Variants in PTPRC observed in about 807,000 individuals in gnomAD.
PTPRC encodes the protein receptor-type tyrosine-protein phosphatase C.
Under a neutral mutation model 155.9 loss-of-function variants are expected in PTPRC, and 44 were observed. The ratio of observed to expected loss-of-function variants is 0.28; its 90% CI spans 0.22 to 0.36. The LOEUF is 0.36. Among genes scored for constraint, PTPRC ranks in the 10% least tolerant of loss-of-function variants. The pLI is 1.00. For synonymous variants in PTPRC, 525 were observed against 533.1 expected (o/e 0.98, Z 0.21); for missense variants, 1,401 against 1,564.6 (o/e 0.90, Z 1.76).
At chr1:198,745,700 A>T (rs1046951218) in intron 26 of PTPRC, among the ~76,000 whole-genome samples, 4 of 151,818 alleles carry the variant, frequency 2.6e-5, no homozygotes, top group Admixed American at 6.6e-5. Flanking sequence ...GAGGCTGTGT[A>T]TGCAGATAGT....
chr1:198,741,027 C>T (rs1356224294), intron 23 of PTPRC, among the ~76,000 whole-genome samples: 1 of 151,834 alleles, frequency 6.6e-6, no homozygotes, highest in Non-Finnish European at 1.5e-5. Flanking sequence ...TGCTGTGAAA[C>T]AATCCTATCA....
chr1:198,702,216 C>A (rs1666493008), intron 5 of PTPRC, among the ~76,000 whole-genome samples, 171 bp from the exon 6 acceptor site: 1 of 152,080 alleles, frequency 6.6e-6, no homozygotes, highest in African/African-American at 2.4e-5. Flanking sequence ...TCCCATAAGC[C>A]CTGGTATTTT....
intron 10 of PTPRC, 112 bp from the exon 11 acceptor site, chr1:198,709,575 T>A: frequency 5.4e-6 from 5 of 934,050 alleles, no homozygotes; most frequent in Non-Finnish European, 7.3e-6. Context: ...TTTCCACAGA[T>A]GTTTCAATCT....
chr1:198,748,126 G>C lies in PTPRC; in HGVS notation c.2865G>C (p.Arg955Ser). ...EAEFQRLPSYRSWRTQHIGNQ... is the reference protein window; with the variant it reads ...EAEFQRLPSYSSWRTQHIGNQ... Reference sequence around the variant, plus strand: ...TTTTTCAGAGACTTCCTTCATATAGGAGCTGGAGGACACAGCACATTGGAA... The same window carrying C: ...TTTTTCAGAGACTTCCTTCATATAGCAGCTGGAGGACACAGCACATTGGAA... The change falls in exon 27 of 33, where the codon AGG (arginine) becomes AGC (serine). Residue 955 changes from arginine (R) to serine (S), a missense_variant. Coordinates refer to ENST00000442510, the MANE Select transcript of PTPRC (RefSeq NM_002838.5). 1 of 1,601,266 alleles carries C rather than the reference G, an allele frequency of 6.2e-7. No homozygotes were observed. Among genetic ancestry groups the C allele is most frequent in the South Asian group, 1.1e-5 (1 of 89,784 alleles).
intron 12 of PTPRC, among the ~76,000 whole-genome samples, chr1:198,715,750 T>C (rs1225451758): frequency 2.6e-5 from 4 of 152,178 alleles, no homozygotes; most frequent in Non-Finnish European, 5.9e-5. Context: ...GATGGTTAAA[T>C]TAATTATTTC....
chr1:198,754,384 C>T lies in PTPRC; in HGVS notation c.3625C>T (p.Pro1209Ser), dbSNP rs1655528018. The change falls in exon 32 of 33, where the codon CCA becomes TCA. Residue 1209 changes from proline to serine, a missense_variant. Pro to Ser is a moderately conservative substitution (Grantham distance 74). Coordinates refer to ENST00000442510, the MANE Select transcript of PTPRC (RefSeq NM_002838.5). ...QVVKALRKAR[P>S]GMVSTFEQYQ... Reference sequence around the variant, plus strand: ...GGTAAAAGCTCTACGCAAAGCTAGGCCAGGCATGGTTTCCACATTCGTAAG... The same window carrying T: ...GGTAAAAGCTCTACGCAAAGCTAGGTCAGGCATGGTTTCCACATTCGTAAG... 4 of 1,613,324 alleles carry T rather than the reference C, an allele frequency of 2.5e-6. No homozygotes were observed. The highest frequency in any genetic ancestry group is 2.2e-5 in the East Asian group (1 of 44,806).
chr1:198,740,247 C>T (rs1166103647), intron 23 of PTPRC, among the ~76,000 whole-genome samples: 1 of 151,502 alleles, frequency 6.6e-6, no homozygotes, highest in African/African-American at 2.4e-5. Context: ...TAAAAAAATA[C>T]AAAGCATCAA....
chr1:198,750,406 T>C, intron 28 of PTPRC, 86 bp from the exon 29 acceptor site: 1 of 1,401,420 alleles, frequency 7.1e-7, no homozygotes, highest in Non-Finnish European at 1.0e-6. Context: ...GATATCAAAC[T>C]GACTATATTT....
chr1:198,745,217 T>C (rs1359378986), intron 26 of PTPRC, among the ~76,000 whole-genome samples: 1 of 151,834 alleles, frequency 6.6e-6, no homozygotes, highest in Non-Finnish European at 1.5e-5. Flanking sequence ...CTTGAGTTTC[T>C]GCTATGTGCC....
intron 11 of PTPRC, 45 bp downstream of exon 11, chr1:198,709,869 C>A: frequency 6.3e-7 from 1 of 1,596,198 alleles, no homozygotes; most frequent in South Asian, 1.1e-5. Flanking sequence ...CTTCTCTCTT[C>A]ATGTTCTTAT....
intron 15 of PTPRC, among the ~76,000 whole-genome samples, chr1:198,726,323 C>T (rs1166866656): frequency 6.6e-6 from 1 of 152,086 alleles, no homozygotes; most frequent in African/African-American, 2.4e-5. Context: ...AGAGATAAGA[C>T]AAGGAACACT....
At chr1:198,723,674 T>A (rs191237928) in intron 15 of PTPRC, among the ~76,000 whole-genome samples, 120 of 152,302 alleles carry the variant, frequency 7.9e-4, no homozygotes, top group African/African-American at 2.8e-3. Context: ...ATAGGCCAGA[T>A]CTGAAACATT....
At chr1:198,696,146 G>A (rs1011638982) in intron 3 of PTPRC, among the ~76,000 whole-genome samples, 1 of 150,476 alleles carries the variant, frequency 6.6e-6, no homozygotes, top group Non-Finnish European at 1.5e-5. Flanking sequence ...GTGACAGAGT[G>A]AGACTCTGTC....
intron 2 of PTPRC, among the ~76,000 whole-genome samples, chr1:198,668,260 G>T (rs183350870): frequency 6.6e-6 from 1 of 152,170 alleles, no homozygotes; most frequent in Non-Finnish European, 1.5e-5. Context: ...TCCCCAGGCT[G>T]GTTTCAAACT....
chr1:198,642,626 C>G (rs998227394), intron 2 of PTPRC, among the ~76,000 whole-genome samples: 2 of 151,918 alleles, frequency 1.3e-5, no homozygotes, highest in African/African-American at 4.8e-5. Flanking sequence ...TCTCTAATAA[C>G]TTCTTGCTTT....
intron 2 of PTPRC, among the ~76,000 whole-genome samples, chr1:198,676,683 T>A (rs1264413496): frequency 6.6e-6 from 1 of 152,194 alleles, no homozygotes; most frequent in Non-Finnish European, 1.5e-5. Context: ...TGGCCACTCA[T>A]AAGCCTTGCT....
At chr1:198,674,821 C>T (rs1165814684) in intron 2 of PTPRC, among the ~76,000 whole-genome samples, 1 of 152,010 alleles carries the variant, frequency 6.6e-6, no homozygotes, top group Admixed American at 6.6e-5. Context: ...CATTTGGCTT[C>T]CTCTAATATT....
At chr1:198,693,495 G>A (rs951058479) in intron 3 of PTPRC, among the ~76,000 whole-genome samples, 1 of 152,172 alleles carries the variant, frequency 6.6e-6, no homozygotes, top group Non-Finnish European at 1.5e-5. Flanking sequence ...GTAGAATGGG[G>A]AGTGATTCTT....
chr1:198,738,706 ATAGT>A (rs752001953), intron 23 of PTPRC, among the ~76,000 whole-genome samples: 21 of 151,708 alleles, frequency 1.4e-4, no homozygotes, highest in Non-Finnish European at 2.4e-4. Flanking sequence ...ATTTTTTGGA[ATAGT>A]TAGAGTAGAA....
Sources: gnomAD v4.1 joint callset for allele counts (sites outside exome capture counted in the v4.1 genomes callset) on GRCh38, gnomAD v4.1.1 for gene constraint, MANE v1.5 for transcripts, NCBI Gene and HGNC (gene_info 2026-07-23, HGNC 2026-07-21) for gene names.